The following KANK4 variants were observed in gnomAD, a reference collection of about 807,000 sequenced individuals.
KANK4 encodes KN motif and ankyrin repeat domain-containing protein 4.
A neutral mutation model predicts 80.8 loss-of-function variants in KANK4; 50 were observed. The ratio of observed to expected loss-of-function variants is 0.62; its 90% confidence interval spans 0.49 to 0.78. KANK4 has a LOEUF of 0.78. Among genes scored for constraint, KANK4 ranks in the 30% least tolerant of loss-of-function variants. KANK4 has a pLI of 0.00. For missense variants in KANK4, 1,196 were observed against 1,240.1 expected, an observed-to-expected ratio of 0.96 and a Z score of 0.53; for synonymous variants, 465 against 506.9, an observed-to-expected ratio of 0.92 and a Z score of 1.11.
At chr1:62,265,245 T>TC (rs1671992575) in intron 6 of KANK4, among the ~76,000 whole-genome samples, 1 of 152,078 alleles carries the variant, frequency 6.6e-6, no homozygotes, top group Admixed American at 6.6e-5. Flanking sequence ...CTTTTTTTTT[T>TC]TCTCTGTGTT....
chr1:62,268,195 A>G (rs1017044274), intron 5 of KANK4, 92 bp downstream of exon 5: 4 of 996,092 alleles, frequency 4.0e-6, no homozygotes, highest in African/African-American at 3.2e-5. Context: ...GGATGGGTAC[A>G]TGAATGAACA....
chr1:62,244,583 G>T (rs1008010497), intron 9 of KANK4, among the ~76,000 whole-genome samples: 1 of 152,134 alleles, frequency 6.6e-6, no homozygotes, highest in Non-Finnish European at 1.5e-5. Context: ...CTCTTTGCTT[G>T]CTGCTATCCA....
At chr1:62,304,406 G>C (rs1472929579) in intron 1 of KANK4, among the ~76,000 whole-genome samples, 1 of 151,456 alleles carries the variant, frequency 6.6e-6, no homozygotes, top group Non-Finnish European at 1.5e-5. Flanking sequence ...ATGGGGGCAA[G>C]AAAAGGGCCA....
At chr1:62,255,704 G>A (rs1372928952) in intron 7 of KANK4, among the ~76,000 whole-genome samples, 2 of 151,838 alleles carry the variant, frequency 1.3e-5, no homozygotes, top group African/African-American at 2.4e-5. Flanking sequence ...CCAGGCTGAG[G>A]GTGAGTGCAG....
intron 5 of KANK4, among the ~76,000 whole-genome samples, chr1:62,267,917 G>A (rs775891692): frequency 1.3e-5 from 2 of 152,116 alleles, no homozygotes; most frequent in African/African-American, 2.4e-5. Flanking sequence ...TCTGCTAGCT[G>A]CGTCCCCACA....
chr1:62,242,761 G>A (rs1291231788), intron 9 of KANK4, among the ~76,000 whole-genome samples: 1 of 152,146 alleles, frequency 6.6e-6, no homozygotes, highest in East Asian at 1.9e-4. Context: ...TCCCAAATGA[G>A]CTCTGCTGCT....
intron 1 of KANK4, among the ~76,000 whole-genome samples, chr1:62,314,475 G>A (rs542248480): frequency 1.2e-4 from 19 of 152,280 alleles, no homozygotes; most frequent in Non-Finnish European, 2.1e-4. Context: ...CGATGGCACC[G>A]AGAGCTGGCG....
chr1:62,240,323 G>T (rs1195643274), intron 9 of KANK4, among the ~76,000 whole-genome samples: 1 of 152,226 alleles, frequency 6.6e-6, no homozygotes, highest in African/African-American at 2.4e-5. Flanking sequence ...CTTTTGAGAA[G>T]TGTCTGTTCA....
chr1:62,299,660 T>G (rs1485952616), intron 1 of KANK4, among the ~76,000 whole-genome samples: 1 of 152,154 alleles, frequency 6.6e-6, no homozygotes, highest in Non-Finnish European at 1.5e-5. Flanking sequence ...TTACTTCTGT[T>G]TCCCAAGTGC....
At chr1:62,271,203 G>A (rs1354817197) in intron 4 of KANK4, among the ~76,000 whole-genome samples, 1 of 152,074 alleles carries the variant, frequency 6.6e-6, no homozygotes, top group African/African-American at 2.4e-5. Context: ...CTAAGGGCCC[G>A]TATACCCCCA....
chr1:62,297,979 G>A (rs1025040813), intron 1 of KANK4, among the ~76,000 whole-genome samples: 3 of 145,090 alleles, frequency 2.1e-5, no homozygotes, highest in Non-Finnish European at 3.1e-5. Flanking sequence ...GATTAATTTC[G>A]TTTCTCTGTT....
intron 1 of KANK4, among the ~76,000 whole-genome samples, chr1:62,286,730 C>A (rs953239226): frequency 6.6e-5 from 10 of 152,128 alleles, no homozygotes; most frequent in Non-Finnish European, 1.5e-4. Context: ...TTCTTCCTGG[C>A]TCCGCTTTAG....
Position 62,285,589 on chromosome 1 carries a change from C to A in KANK4, c.-70-3955G>T, listed in dbSNP as rs573858845. Among the ~76,000 whole-genome samples, 430 of 152,274 alleles carry A rather than the reference C, an allele frequency of 2.8e-3. 2 individuals are homozygous for A. Among genetic ancestry groups the A allele is most frequent in the African/African-American group, 9.8e-3 (406 of 41,554 alleles). The stretch of plus-strand genomic sequence containing the variant: ...AAAAATGTGGTATTTCATCCCAGAG[C>A]AGGCTGCATGCCAAAATAAATAGCA... On this transcript the variant is annotated intron_variant, in intron 1 of 9. Coordinates refer to ENST00000371153, the MANE Select transcript of KANK4 (RefSeq NM_181712.5).
At chr1:62,275,148 G>A in intron 2 of KANK4, 61 bp from the exon 3 acceptor site, 5 of 1,265,480 alleles carry the variant, frequency 4.0e-6, no homozygotes, top group Non-Finnish European at 5.5e-6. Flanking sequence ...ATTACAGGGC[G>A]ATGAGGCCTA....
rs137950374 is a variant in KANK4 at position 62,242,329 on chromosome 1, T to G, written c.2884-3948A>C. 5.1e-5 allele frequency among the ~76,000 whole-genome samples: 6 copies of G among 117,698 alleles called. No homozygotes were observed. The Admixed American group carries it at 7.2e-4, about 14-fold the overall frequency. The allele number at this position is 117,698 out of a possible 152,430, so 77.2% of individuals were successfully genotyped here. A position where few individuals can be genotyped will look rare whatever the true frequency, so the allele number is the denominator to read the frequency against. ...ATAAGCCATGATCGTGCCACTGCAC[T>G]CCAGCCTGGGCAACAGGGTGAGACC... is the stretch of plus-strand genomic sequence containing the variant. On this transcript the variant is annotated intron_variant, in intron 9 of 9. Coordinates refer to ENST00000371153, the MANE Select transcript of KANK4 (RefSeq NM_181712.5).
At position 62,319,228 on chromosome 1, in the gene KANK4, C is replaced by G. The variant is rs1169485616; in HGVS notation, c.-193G>C. 1 of 152,028 alleles carries G rather than the reference C, an allele frequency of 6.6e-6. No individual in the cohort carries two copies. The highest frequency in any genetic ancestry group is 1.5e-5 in the Non-Finnish European group (1 of 67,986). 9.4% of individuals were successfully genotyped at this position (152,028 alleles called of 1,614,324 possible). A position where few individuals can be genotyped will look rare whatever the true frequency, so the allele number is the denominator to read the frequency against. On this transcript the variant is annotated 5_prime_UTR_variant, in exon 1 of 10. Transcript: ENST00000371153. The stretch of plus-strand genomic sequence containing the variant: ...GGGTGCACTGTCCGCGTCCCAGGCG[C>G]GCACCCCGGGGCTGGCGCACCCTGG...
intron 8 of KANK4, 71 bp downstream of exon 8, chr1:62,252,996 C>T (rs1671658061): frequency 1.3e-6 from 2 of 1,543,836 alleles, no homozygotes; most frequent in African/African-American, 1.4e-5. Context: ...GAATTTCTCA[C>T]CCCACTAGCA....
In KANK4 at chr1:62,274,925, C is replaced by T. The variant is rs985859141; in HGVS notation, c.179G>A (p.Arg60Lys). Residue 60 changes from arginine to lysine, a missense_variant, in exon 3 of 10, where the codon AGG (arginine) becomes AAG (lysine). By Grantham distance (26) the Arg-to-Lys change is conservative. Around this residue, in one of 3 missense-constraint regions of KANK4, gnomAD observed 1,154 missense variants for 1,179.6 expected, o/e 0.98. Transcript: ENST00000371153. Reference sequence around the variant, plus strand: ...AGTGCTAAATTTGGCCTGCTTGGCCCTTCTGTGGATAGGAATTCTTTTGAT... The same window carrying T: ...AGTGCTAAATTTGGCCTGCTTGGCCTTTCTGTGGATAGGAATTCTTTTGAT... ...NTIKRIPIHR[R>K]AKQAKFSTLP... is the part of the protein sequence containing the mutation. The T allele has an allele frequency of 6.2e-7, 1 of 1,614,010 alleles. No individual in the cohort carries two copies. The highest frequency in any genetic ancestry group is 1.3e-5 in the African/African-American group (1 of 74,900).
At chr1:62,297,722 C>T (rs978349039) in intron 1 of KANK4, among the ~76,000 whole-genome samples, 5 of 152,138 alleles carry the variant, frequency 3.3e-5, no homozygotes, top group African/African-American at 1.2e-4. Context: ...GAAGGAATAG[C>T]TAAAAAATTC....
Sources: allele counts gnomAD v4.1 joint callset (sites outside exome capture counted in the v4.1 genomes callset), GRCh38; gene constraint gnomAD v4.1.1; regional missense constraint gnomAD v4.1.1; transcripts MANE v1.5; gene names NCBI Gene and HGNC (gene_info 2026-07-23, HGNC 2026-07-21).